Variants in TFAP4 observed in about 807,000 individuals in gnomAD.
TFAP4 encodes the protein activating enhancer-binding protein 4.
TFAP4 carries 7 observed loss-of-function variants against 40.4 expected under a neutral mutation model. The ratio of observed to expected loss-of-function variants is 0.17; its 90% CI spans 0.10 to 0.33. The LOEUF is 0.33. Among genes scored for constraint, TFAP4 ranks in the 10% least tolerant of loss-of-function variants. The probability of loss-of-function intolerance (pLI) is 1.00; values close to 1 mark genes in which losing one functional copy is unlikely to be tolerated. For missense variants in TFAP4, 374 were observed against 451.1 expected, an observed-to-expected ratio of 0.83 and a Z score of 1.55; for synonymous variants, 218 against 181.4, an observed-to-expected ratio of 1.20 and a Z score of -1.62.
At chr16:4,268,791 G>A (rs867259362) in intron 1 of TFAP4, among the ~76,000 whole-genome samples, 4 of 151,880 alleles carry the variant, frequency 2.6e-5, no homozygotes, top group Admixed American at 6.6e-5. Context: ...ACAGGGTTTC[G>A]TCATGTTGCT....
At chr16:4,269,736 G>A (rs986684862) in intron 1 of TFAP4, among the ~76,000 whole-genome samples, 1 of 151,426 alleles carries the variant, frequency 6.6e-6, no homozygotes, top group South Asian at 2.1e-4. Context: ...CTTGAACCCC[G>A]GAGGCAGAAG....
chr16:4,271,934 C>A (rs1464161853), intron 1 of TFAP4, among the ~76,000 whole-genome samples: 3 of 152,184 alleles, frequency 2.0e-5, no homozygotes, highest in Non-Finnish European at 4.4e-5. Context: ...CCCGCGAGGC[C>A]GCGCGCAGAG....
intron 1 of TFAP4, among the ~76,000 whole-genome samples, chr16:4,272,177 AC>A (rs2053045517): frequency 8.0e-6 from 1 of 125,264 alleles, no homozygotes; most frequent in Non-Finnish European, 1.7e-5. Context: ...CCCCGCCCCC[AC>A]CCCGCGCCGG....
chr16:4,269,973 G>A (rs2053028673), intron 1 of TFAP4, among the ~76,000 whole-genome samples: 1 of 152,076 alleles, frequency 6.6e-6, no homozygotes, highest in South Asian at 2.1e-4. Context: ...CTGAGGTCAG[G>A]GGTTCGAGAC....
intron 1 of TFAP4, among the ~76,000 whole-genome samples, chr16:4,271,772 G>C (rs1481305183): frequency 4.6e-5 from 7 of 152,196 alleles, no homozygotes; most frequent in Admixed American, 4.6e-4. Context: ...GCTAGGGGCG[G>C]CCTCAGGTGT....
intron 1 of TFAP4, chr16:4,266,929 T>C (rs1034157100): frequency 6.6e-6 from 1 of 152,334 alleles, no homozygotes; most frequent in Non-Finnish European, 1.5e-5. Flanking sequence ...TGGCACAATC[T>C]TGGCTCACTG....
intron 1 of TFAP4, among the ~76,000 whole-genome samples, chr16:4,271,130 C>T (rs745817500): frequency 2.6e-5 from 4 of 152,270 alleles, no homozygotes; most frequent in Non-Finnish European, 4.4e-5. Flanking sequence ...CTGCCAGCTG[C>T]CAAACCCATC....
chr16:4,265,120 G>C (rs1006780764), intron 1 of TFAP4: 1 of 152,018 alleles, frequency 6.6e-6, no homozygotes, highest in Non-Finnish European at 1.5e-5. Context: ...TCACTGAATT[G>C]TCACAATGTT....
At chr16:4,263,278 C>T (rs1431009362) in intron 1 of TFAP4, 1 of 153,748 alleles carries the variant, frequency 6.5e-6, no homozygotes, top group Non-Finnish European at 1.4e-5. Context: ...CATCCAAGAG[C>T]TTAGAAACTA....
chr16:4,261,802 C>A lies in TFAP4; in HGVS notation c.502G>T (p.Val168Leu). The change falls in exon 4 of 7, where the codon GTG (valine) becomes TTG (leucine). Residue 168 changes from valine to leucine, a missense_variant. Physicochemically the swap from Val to Leu is conservative, Grantham distance 32. Coordinates refer to ENST00000204517, the MANE Select transcript of TFAP4 (RefSeq NM_003223.3). Reference sequence around the variant, plus strand: ...ACCTGCTCCTCCAGCATCATGCGCACCGAGCGCTCCTTGTCCAGCTGCTGC... The same window carrying A: ...ACCTGCTCCTCCAGCATCATGCGCAACGAGCGCTCCTTGTCCAGCTGCTGC... ...LRQQLDKERSVRMMLEEQVRS... is the reference protein window; with the variant it reads ...LRQQLDKERSLRMMLEEQVRS... 2 of 1,610,438 alleles carry A rather than the reference C, an allele frequency of 1.2e-6. No homozygotes were observed. Among genetic ancestry groups the A allele is most frequent in the Non-Finnish European group, 1.7e-6 (2 of 1,178,546 alleles).
chr16:4,259,694 C>G (rs997684636), intron 6 of TFAP4, among the ~76,000 whole-genome samples: 3 of 152,154 alleles, frequency 2.0e-5, no homozygotes, highest in African/African-American at 7.2e-5. Flanking sequence ...GTAGGAGGCC[C>G]AACTATCACC....
At chr16:4,266,477 G>C (rs543012776) in intron 1 of TFAP4, 1 of 151,922 alleles carries the variant, frequency 6.6e-6, no homozygotes, top group Non-Finnish European at 1.5e-5. Flanking sequence ...AGTACCCGCC[G>C]ACAGAGTCCT....
At chr16:4,261,574 C>T (rs1311049734) in intron 4 of TFAP4, among the ~76,000 whole-genome samples, 1 of 152,134 alleles carries the variant, frequency 6.6e-6, no homozygotes, top group African/African-American at 2.4e-5. Flanking sequence ...TTTTGAGATC[C>T]TTTGGCTAAT....
At chr16:4,272,108 G>C (rs1372569031) in intron 1 of TFAP4, among the ~76,000 whole-genome samples, 1 of 148,824 alleles carries the variant, frequency 6.7e-6, no homozygotes, top group African/African-American at 2.5e-5. Flanking sequence ...ACACCCACAC[G>C]CGAGCACGCC....
At chr16:4,262,854 G>A (rs963036505) in intron 1 of TFAP4, 153 bp from the exon 2 acceptor site, 10 of 836,350 alleles carry the variant, frequency 1.2e-5, no homozygotes, top group Admixed American at 1.1e-4. Flanking sequence ...GGACACCGGG[G>A]CGGACTGAAT....
At chr16:4,262,841 C>G (rs1303590925) in intron 1 of TFAP4, 140 bp from the exon 2 acceptor site, 9 of 953,824 alleles carry the variant, frequency 9.4e-6, no homozygotes, top group Non-Finnish European at 1.4e-5. Context: ...GGGGTGCTCT[C>G]TGGGACACCG....
chr16:4,260,411 C>A, intron 5 of TFAP4, 44 bp downstream of exon 5: 1 of 1,535,480 alleles, frequency 6.5e-7, no homozygotes, highest in Admixed American at 2.0e-5. Flanking sequence ...TCACCTGTCC[C>A]CTTCCCGGTC....
Position 4,262,494 on chromosome 16 carries a change from A to G in TFAP4, c.255+42T>C, listed in dbSNP as rs760018553. ...AGCTCACTTTCCTCTCCCAGCGGGA[A>G]CCTGCCGGCTCCTCCAGGAAGCCCT... On this transcript the variant is annotated intron_variant, in intron 2 of 6. Transcript: ENST00000204517. 1.9e-6 allele frequency: 3 copies of G among 1,613,056 alleles called. No homozygotes were observed. In the African/African-American group the frequency reaches 4.0e-5, roughly 22 times the overall value.
chr16:4,271,232 C>A (rs2053037711), intron 1 of TFAP4, among the ~76,000 whole-genome samples: 1 of 152,232 alleles, frequency 6.6e-6, no homozygotes, highest in Non-Finnish European at 1.5e-5. Flanking sequence ...AGTGTCTACA[C>A]GTGTGCAGCA....
Sources: allele counts gnomAD v4.1 joint callset (sites outside exome capture counted in the v4.1 genomes callset), GRCh38; gene constraint gnomAD v4.1.1; transcripts MANE v1.5; gene names NCBI Gene and HGNC (gene_info 2026-07-23, HGNC 2026-07-21).